Variants in LY75 observed in about 807,000 individuals in gnomAD.
The protein encoded by LY75 is C-type lectin domain family 13 member B.
A neutral mutation model predicts 231.7 loss-of-function variants in LY75; 185 were observed. The ratio of observed to expected loss-of-function variants is 0.80; its 90% CI spans 0.71 to 0.90. The LOEUF is 0.90. LY75 is among the 40% of genes least tolerant of loss of function. LY75 has a pLI of 0.00. For missense variants in LY75, 1,947 were observed against 2,050.2 expected, an observed-to-expected ratio of 0.95 and a Z score of 0.97; for synonymous variants, 668 against 689.0, an observed-to-expected ratio of 0.97 and a Z score of 0.48.
intron 20 of LY75, 149 bp from the exon 21 acceptor site, chr2:159,852,489 G>C: frequency 9.2e-7 from 1 of 1,084,148 alleles, no homozygotes; most frequent in Non-Finnish European, 1.3e-6. Context: ...TGCAATGTTG[G>C]CTTACTGCAT....
rs140695949 is a variant in LY75, at chr2:159,835,606, G to A, written c.3547C>T (p.His1183Tyr). The change falls in exon 26 of 35, where the codon CAT becomes TAT. Residue 1183 changes from histidine to tyrosine, a missense_variant. By Grantham distance (83) the His-to-Tyr change is moderately conservative. Transcript: ENST00000263636. ...TTAGTTTCAGCCCAGCGACTAAAAT[G>A]AAGACGTTTCCCATCTGACCAACCA... The part of the protein sequence containing the change: ...NFGWSDGKRL[H>Y]FSRWAETNGQ... The A allele has an allele frequency of 1.6e-3, 2,581 of 1,613,782 alleles. 3 individuals carry two copies. The highest frequency in any genetic ancestry group is 1.9e-3 in the Non-Finnish European group (2,222 of 1,179,864).
At chr2:159,813,325 C>CTTTT (rs1166100310) in intron 31 of LY75, among the ~76,000 whole-genome samples, 1 of 138,340 alleles carries the variant, frequency 7.2e-6, no homozygotes, top group Non-Finnish European at 1.6e-5. Context: ...CTGTTATTCT[C>CTTTT]TGTTTTGTTT....
Position 159,817,005 on chromosome 2 carries a change from G to C in LY75, c.4181C>G (p.Thr1394Arg). The change falls in exon 30 of 35, where the codon ACA becomes AGA. Residue 1394 changes from threonine to arginine, a missense_variant. Coordinates refer to ENST00000263636, the MANE Select transcript of LY75 (RefSeq NM_002349.4). The part of the protein sequence containing the change: ...MVDYKEEYNT[T>R]LPQFMPYEDG... ...TTCATATGGCATAAACTGTGGCAGT[G>C]TAGTATTATATTCTTCTTTGTAGTC... The C allele has an allele frequency of 6.2e-7, 1 of 1,613,602 alleles. No individual in the cohort carries two copies. The highest frequency in any genetic ancestry group is 8.5e-7 in the Non-Finnish European group (1 of 1,179,744).
At chr2:159,833,129 C>CTTTT (rs5835769) in intron 27 of LY75, among the ~76,000 whole-genome samples, 9 of 133,980 alleles carry the variant, frequency 6.7e-5, no homozygotes, top group African/African-American at 2.0e-4. Flanking sequence ...TTCCCCCTTC[C>CTTTT]TTTTTTTTTT....
intron 20 of LY75, among the ~76,000 whole-genome samples, chr2:159,852,592 T>C (rs1265945903): frequency 6.6e-6 from 1 of 152,060 alleles, no homozygotes; most frequent in Non-Finnish European, 1.5e-5. Context: ...CTAATTTTTG[T>C]ATTTTTAGTA....
At chr2:159,818,314 A>T (rs1399022573) in intron 29 of LY75, among the ~76,000 whole-genome samples, 1 of 152,200 alleles carries the variant, frequency 6.6e-6, no homozygotes, top group Admixed American at 6.5e-5. Context: ...GTGATAAGTC[A>T]TATGAATAGT....
rs933491452 is a variant in LY75, at chr2:159,858,384, T to C, written c.2361A>G (p.Glu787=). ...TACCTTTTGGAATTTGGCACACCCA[T>C]TCAAGTTTTGTATCACAAGCAAAAG... ...LRPFACDTKL[E]WVCQIPKGRT... Residue 787 remains glutamate (E), a synonymous_variant, in exon 16 of 35, where the codon GAA becomes GAG. Coordinates refer to ENST00000263636, the MANE Select transcript of LY75 (RefSeq NM_002349.4). 4.3e-6 allele frequency: 7 copies of C among 1,613,400 alleles called. No individual in the cohort carries two copies. In the Admixed American group the frequency reaches 1.0e-4, roughly 23 times the overall value.
chr2:159,859,440 C>T lies in LY75; in HGVS notation c.2269-964G>A, dbSNP rs538817539. On this transcript the variant is annotated intron_variant, in intron 15 of 34. Transcript: ENST00000263636. ...TCTCCTCCATCTTCATCTTTTTTCA[C>T]TCTATATATTGGCAGTTCCTCCAAA... is the stretch of plus-strand genomic sequence containing the variant. Among the ~76,000 whole-genome samples the T allele has an allele frequency of 2.0e-5, 3 of 152,154 alleles. No individual in the cohort carries two copies. The South Asian group carries it at 6.2e-4, about 32-fold the overall frequency.
At chr2:159,893,698 C>T (rs1685825922) in intron 3 of LY75, among the ~76,000 whole-genome samples, 1 of 152,150 alleles carries the variant, frequency 6.6e-6, no homozygotes, top group African/African-American at 2.4e-5. Flanking sequence ...CCTCCTCCTC[C>T]TCCATGACAC....
chr2:159,822,651 C>CT (rs1683331725), intron 28 of LY75, among the ~76,000 whole-genome samples: 1 of 152,224 alleles, frequency 6.6e-6, no homozygotes, highest in Non-Finnish European at 1.5e-5. Flanking sequence ...AAGTGGGTCT[C>CT]TGACCCCCAG....
At position 159,891,556 on chromosome 2, in the gene LY75, G is replaced by T. The variant is rs537237961; in HGVS notation, c.638-1179C>A. Among the ~76,000 whole-genome samples, 37 of 152,238 alleles carry T rather than the reference G, an allele frequency of 2.4e-4. No individual in the cohort carries two copies. The South Asian group carries it at 7.3e-3, about 30-fold the overall frequency. On this transcript the variant is annotated intron_variant, in intron 3 of 34. Coordinates refer to ENST00000263636, the MANE Select transcript of LY75 (RefSeq NM_002349.4). The stretch of plus-strand genomic sequence containing the variant: ...ATGATTTAGCAGCCCTCAGGTTTGA[G>T]AAACTTTCTCTTGCTTCTTCCATAA...
In LY75 at chr2:159,904,728, G is replaced by C. The variant is rs544014198; in HGVS notation, c.-46C>G. Reference sequence around the variant, plus strand: ...CCGGCCGGGTCCTCGGGCGCACGCGGCTCCCGCCCCGCCTGCTGAGCGCGG... The same window carrying C: ...CCGGCCGGGTCCTCGGGCGCACGCGCCTCCCGCCCCGCCTGCTGAGCGCGG... On this transcript the variant is annotated 5_prime_UTR_variant, in exon 1 of 35. Transcript: ENST00000263636. 94 of 1,373,064 alleles carry C rather than the reference G, an allele frequency of 6.8e-5. No individual in the cohort carries two copies. The African/African-American group carries it at 7.9e-4, about 12-fold the overall frequency. The allele number at this position is 1,373,064 out of a possible 1,614,324, so 85.1% of individuals were successfully genotyped here. A position where few individuals can be genotyped will look rare whatever the true frequency, so the allele number is the denominator to read the frequency against.
intron 26 of LY75, among the ~76,000 whole-genome samples, chr2:159,835,156 C>T (rs1221830402): frequency 3.3e-5 from 5 of 152,066 alleles, no homozygotes; most frequent in Non-Finnish European, 5.9e-5. Flanking sequence ...TTATGAATCA[C>T]AAAAGAATTC....
chr2:159,843,877 C>T (rs1039455231), intron 23 of LY75, among the ~76,000 whole-genome samples: 1 of 152,098 alleles, frequency 6.6e-6, no homozygotes, highest in Non-Finnish European at 1.5e-5. Context: ...ATTGTTTATA[C>T]AACACATGCA....
In LY75 at chr2:159,898,720, G is replaced by A. The variant is rs1395623745; in HGVS notation, c.434C>T (p.Ser145Leu). 1.9e-6 allele frequency: 3 copies of A among 1,613,922 alleles called. No individual in the cohort carries two copies. Among genetic ancestry groups the A allele is most frequent in the Admixed American group, 1.7e-5 (1 of 60,006 alleles). ...AGGCTGGTCACAAAGGCTTTCCTCT[G>A]AGCCTCCTTTCTTCCAGACATCAGA... is the stretch of plus-strand genomic sequence containing the variant. ...NASDVWKKGG[S>L]EESLCDQPYH... is the part of the protein sequence containing the mutation. The change falls in exon 2 of 35, where the codon TCA (serine) becomes TTA (leucine). Residue 145 changes from serine to leucine, a missense_variant. Physicochemically the swap from Ser to Leu is moderately radical, Grantham distance 145. Coordinates refer to ENST00000263636, the MANE Select transcript of LY75 (RefSeq NM_002349.4).
intron 4 of LY75, among the ~76,000 whole-genome samples, chr2:159,888,897 T>C (rs1685670321): frequency 6.6e-6 from 1 of 152,168 alleles, no homozygotes; most frequent in Non-Finnish European, 1.5e-5. Flanking sequence ...AAAATGAGGA[T>C]AACAATAACG....
chr2:159,897,059 C>A lies in LY75; in HGVS notation c.466+1629G>T, dbSNP rs1685927173. ...TTTGTGCTACTGATCTCTTTGGCAG[C>A]TGGGTGAAATCCACAGTCCCTGTCT... On this transcript the variant is annotated intron_variant, in intron 2 of 34. Transcript: ENST00000263636. 2.6e-5 allele frequency among the ~76,000 whole-genome samples: 4 copies of A among 152,194 alleles called. No individual in the cohort carries two copies. The South Asian group carries it at 8.3e-4, about 32-fold the overall frequency.
In LY75 at chr2:159,815,450, AT is replaced by A. The variant is rs780972086; in HGVS notation, c.4503del (p.Lys1501AsnfsTer75). The A allele has an allele frequency of 6.8e-6, 11 of 1,612,784 alleles. No homozygotes were observed. The highest frequency in any genetic ancestry group is 9.3e-6 in the Non-Finnish European group (11 of 1,179,752). On this transcript the variant is annotated frameshift_variant, in exon 31 of 35. Coordinates refer to ENST00000263636, the MANE Select transcript of LY75 (RefSeq NM_002349.4). LOFTEE classifies it high-confidence loss of function. ...ATAGCACCATCCTTAACAGAGTTGC[AT>A]TTTTCATGTTTCCAAGTTCCTTTTG... Reference protein sequence around the residue: ...LDPKGTWKHEKCNSVKDGAIC... With the variant: ...LDPKGTWKHEXCNSVKDGAIC...
chr2:159,835,283 T>C (rs1560072873), intron 26 of LY75, among the ~76,000 whole-genome samples, 197 bp downstream of exon 26: 1 of 152,124 alleles, frequency 6.6e-6, no homozygotes, highest in Non-Finnish European at 1.5e-5. Flanking sequence ...ATGCCTAAAA[T>C]GACCCATTAA....
Sources: gnomAD v4.1 joint callset for allele counts (sites outside exome capture counted in the v4.1 genomes callset) on GRCh38, gnomAD v4.1.1 for gene constraint, MANE v1.5 for transcripts, NCBI Gene and HGNC (gene_info 2026-07-23, HGNC 2026-07-21) for gene names.